Variants in BCAR3 observed in about 807,000 individuals in gnomAD.
BCAR3 encodes breast cancer anti-estrogen resistance protein 3.
In BCAR3, 37 loss-of-function variants were observed where a neutral mutation model predicts 80.1. The observed-to-expected ratio is 0.46, with a 90% CI of 0.36 to 0.61. The LOEUF is 0.61. Ranked by LOEUF, BCAR3 falls within the 20% of genes least tolerant of loss-of-function variation. The pLI, the probability that BCAR3 is intolerant of heterozygous loss-of-function variation, is 0.00. For missense variants in BCAR3, 978 were observed against 1,068.2 expected, an observed-to-expected ratio of 0.92 and a Z score of 1.18; for synonymous variants, 389 against 418.9, an observed-to-expected ratio of 0.93 and a Z score of 0.87.
chr1:93,690,970 T>A (rs975072922), intron 3 of BCAR3, among the ~76,000 whole-genome samples: 5 of 152,222 alleles, frequency 3.3e-5, no homozygotes, highest in Non-Finnish European at 7.3e-5. Context: ...AAATTAACAC[T>A]TCTGTTTCAC....
intron 2 of BCAR3, among the ~76,000 whole-genome samples, chr1:93,786,473 A>C (rs116552702): frequency 0.015 from 2,255 of 152,334 alleles, 37 homozygotes; most frequent in South Asian, 0.056. Context: ...TGGAGAGCAG[A>C]GACAAAGCCA....
intron 6 of BCAR3, 105 bp downstream of exon 6, chr1:93,583,913 G>C (rs896557912): frequency 3.8e-5 from 42 of 1,102,196 alleles, no homozygotes; most frequent in Admixed American, 1.6e-4. Context: ...GCAGGCCTGA[G>C]GCCTTGTGTC....
chr1:93,631,576 C>T (rs572501269), intron 3 of BCAR3, among the ~76,000 whole-genome samples: 2 of 152,140 alleles, frequency 1.3e-5, no homozygotes, highest in Admixed American at 1.3e-4. Context: ...ACACCAGATT[C>T]GAAGTCCAAT....
chr1:93,834,594 G>A (rs749616291), intron 2 of BCAR3, among the ~76,000 whole-genome samples: 7 of 152,192 alleles, frequency 4.6e-5, no homozygotes, highest in African/African-American at 1.7e-4. Context: ...TCCAAACAAC[G>A]TGACCTTACT....
upstream of BCAR3, among the ~76,000 whole-genome samples, chr1:93,683,454 T>A (rs1648870530): frequency 6.6e-6 from 1 of 152,202 alleles, no homozygotes; most frequent in African/African-American, 2.4e-5. Flanking sequence ...CCCCTAAGTG[T>A]GCACCCAACA....
intron 3 of BCAR3, among the ~76,000 whole-genome samples, chr1:93,630,673 T>C (rs189854340): frequency 3.3e-5 from 5 of 152,256 alleles, no homozygotes; most frequent in Non-Finnish European, 5.9e-5. Context: ...CAAATGAGGA[T>C]AATATACAGA....
intron 2 of BCAR3, among the ~76,000 whole-genome samples, chr1:93,731,451 A>T (rs1172585731): frequency 6.6e-6 from 1 of 151,994 alleles, no homozygotes; most frequent in Non-Finnish European, 1.5e-5. Context: ...CCAATCTAGG[A>T]GAGGCACAAC....
intron 3 of BCAR3, among the ~76,000 whole-genome samples, chr1:93,626,781 A>T (rs1675468572): frequency 6.6e-6 from 1 of 152,244 alleles, no homozygotes; most frequent in Non-Finnish European, 1.5e-5. Flanking sequence ...TATTCTATAC[A>T]ATGCAACAGG....
chr1:93,709,815 G>A (rs772612712), intron 2 of BCAR3, among the ~76,000 whole-genome samples: 65 of 152,128 alleles, frequency 4.3e-4, no homozygotes, highest in Admixed American at 2.6e-3. Context: ...TTAGGACTAG[G>A]GCTTTGCTGC....
At chr1:93,593,410 G>T (rs1674291172) in intron 3 of BCAR3, among the ~76,000 whole-genome samples, 1 of 152,056 alleles carries the variant, frequency 6.6e-6, no homozygotes, top group Non-Finnish European at 1.5e-5. Context: ...GAGCACAGTG[G>T]TGCAATCTCA....
rs549454779 is a variant in BCAR3 at position 93,844,876 on chromosome 1, A to G, written c.-63+691T>C. 2.6e-5 allele frequency among the ~76,000 whole-genome samples: 4 copies of G among 152,060 alleles called. No homozygotes were observed. In the South Asian group the frequency reaches 6.2e-4, roughly 24 times the overall value. ...GGCGTGAGTCACTGCACCTGGCCCCAGTCTTCTAATTGCAGGGTATAAGAA... is the reference window on the plus strand; with the variant it reads ...GGCGTGAGTCACTGCACCTGGCCCCGGTCTTCTAATTGCAGGGTATAAGAA... On this transcript the variant is annotated intron_variant, in intron 2 of 13. Coordinates refer to the BCAR3 transcript ENST00000370244.
intron 2 of BCAR3, among the ~76,000 whole-genome samples, chr1:93,728,247 G>T (rs1379310226): frequency 6.6e-6 from 1 of 152,236 alleles, no homozygotes; most frequent in Non-Finnish European, 1.5e-5. Flanking sequence ...GTGACAGGGG[G>T]AGTGGCTCAC....
chr1:93,710,675 T>C (rs1649989587), intron 2 of BCAR3, among the ~76,000 whole-genome samples: 1 of 152,250 alleles, frequency 6.6e-6, no homozygotes, highest in Non-Finnish European at 1.5e-5. Context: ...CCCTCCTACC[T>C]GAGGACCTTT....
Position 93,656,028 on chromosome 1 carries a change from C to T in BCAR3, c.318-13685G>A, listed in dbSNP as rs1449425756. Among the ~76,000 whole-genome samples the T allele has an allele frequency of 2.0e-5, 3 of 152,280 alleles. No individual in the cohort carries two copies. In the East Asian group the frequency reaches 5.8e-4, roughly 29 times the overall value. ...ATTTGTCTAGGAGTCTCTGTATTCACCCTTGTTCTTAATAGTTTTGATAGG... is the reference window on the plus strand; with the variant it reads ...ATTTGTCTAGGAGTCTCTGTATTCATCCTTGTTCTTAATAGTTTTGATAGG... On this transcript the variant is annotated intron_variant, in intron 2 of 11. Transcript: ENST00000260502.
At chr1:93,818,287 T>G (rs1250477852) in intron 2 of BCAR3, among the ~76,000 whole-genome samples, 2 of 152,228 alleles carry the variant, frequency 1.3e-5, no homozygotes, top group South Asian at 2.1e-4. Context: ...ATCAGCACTG[T>G]TAGCCAGGAT....
chr1:93,571,568 C>T, intron 9 of BCAR3, 102 bp downstream of exon 9: 1 of 1,442,600 alleles, frequency 6.9e-7, no homozygotes, highest in Non-Finnish European at 9.7e-7. Flanking sequence ...CACTAAGATT[C>T]AATTTACTTT....
intron 2 of BCAR3, among the ~76,000 whole-genome samples, chr1:93,659,840 C>T (rs1647567083): frequency 6.6e-6 from 1 of 152,076 alleles, no homozygotes; most frequent in South Asian, 2.1e-4. Context: ...CACCCACACA[C>T]ACAACTCATA....
intron 3 of BCAR3, among the ~76,000 whole-genome samples, chr1:93,593,997 C>T (rs236330): frequency 0.32 from 49,313 of 152,002 alleles, 10,102 homozygotes; most frequent in African/African-American, 0.59. Flanking sequence ...AGGCTTTAGA[C>T]GGTGATGTTT....
Position 93,742,316 on chromosome 1 carries a change from C to T in BCAR3, c.-62-36174G>A, listed in dbSNP as rs150585109. 3.0e-3 allele frequency among the ~76,000 whole-genome samples: 456 copies of T among 152,324 alleles called. 1 individual carries two copies. Among genetic ancestry groups the T allele is most frequent in the African/African-American group, 0.011 (447 of 41,574 alleles). ...AGTGAGAATTCAGCAAGCAGAGTTG[C>T]TCCATGTAACCACCAAAACTGTGTC... On this transcript the variant is annotated intron_variant, in intron 2 of 13. Coordinates refer to the BCAR3 transcript ENST00000370244.
Sources: allele counts gnomAD v4.1 joint callset (sites outside exome capture counted in the v4.1 genomes callset), GRCh38; gene constraint gnomAD v4.1.1; transcripts MANE v1.5; gene names NCBI Gene and HGNC (gene_info 2026-07-23, HGNC 2026-07-21).